The following CADM2 variants were observed in gnomAD, a reference collection of about 807,000 sequenced individuals.
CADM2 encodes immunoglobulin superfamily member 4D.
A neutral mutation model predicts 49.8 loss-of-function variants in CADM2; 12 were observed. The observed-to-expected ratio is 0.24, with a 90% CI of 0.15 to 0.39. The LOEUF (loss-of-function observed/expected upper bound fraction) is 0.39, where lower values mean the gene tolerates loss of function less well. Ranked by LOEUF, CADM2 falls within the 10% of genes least tolerant of loss-of-function variation. The pLI is 1.00. For synonymous variants in CADM2, 214 were observed against 175.4 expected (o/e 1.22, Z -1.74); for missense variants, 378 against 492.3 (o/e 0.77, Z 2.20).
rs3085115 is a variant in CADM2, at chr3:85,191,945, T to TTGTGTGTGTGTG, written c.61+232291_61+232302dup. Among the ~76,000 whole-genome samples the TTGTGTGTGTGTG allele has an allele frequency of 4.4e-3, 663 of 149,084 alleles. 3 individuals carry two copies. The highest frequency in any genetic ancestry group is 0.013 in the African/African-American group (508 of 40,638). ...AATAGAGAGTAATAAGATGAAACAGTTGTGTGTGTGTGTGTGTGTGTGTGT... is the reference window on the plus strand; with the variant it reads ...AATAGAGAGTAATAAGATGAAACAGTTGTGTGTGTGTGTGTGTGTGTGTGTGTGTGTGTGTGT... On this transcript the variant is annotated intron_variant, in intron 1 of 9. Transcript: ENST00000383699.
chr3:85,903,065 T>G (rs574536167), intron 5 of CADM2, among the ~76,000 whole-genome samples: 6 of 152,248 alleles, frequency 3.9e-5, no homozygotes, highest in African/African-American at 1.4e-4. Context: ...CCTAGAATCA[T>G]TTCCTTATTC....
intron 1 of CADM2, among the ~76,000 whole-genome samples, chr3:85,593,574 T>C (rs1316461652): frequency 6.6e-6 from 1 of 151,964 alleles, no homozygotes; most frequent in Non-Finnish European, 1.5e-5. Context: ...CAAATAGAAA[T>C]GTGTAAGAGG....
rs531925780 is a variant in CADM2 at position 85,399,875 on chromosome 3, C to T, written c.62-326647C>T. On this transcript the variant is annotated intron_variant, in intron 1 of 9. Transcript: ENST00000383699. ...AGCTTAAGGAGATTTTGGGCTGAGA[C>T]GATGGGGTTTTCTAAATATACAATC... 2.9e-4 allele frequency among the ~76,000 whole-genome samples: 44 copies of T among 152,254 alleles called. No individual in the cohort carries two copies. In the East Asian group the frequency reaches 4.4e-3, roughly 15 times the overall value.
chr3:85,090,547 T>C (rs966559385), intron 1 of CADM2, among the ~76,000 whole-genome samples: 3 of 152,174 alleles, frequency 2.0e-5, no homozygotes, highest in African/African-American at 7.2e-5. Context: ...TCTATTTGTC[T>C]AACATCTGCC....
At chr3:85,866,560 G>A (rs2075728461) in intron 3 of CADM2, among the ~76,000 whole-genome samples, 1 of 151,936 alleles carries the variant, frequency 6.6e-6, no homozygotes, top group South Asian at 2.1e-4. Context: ...TGTACGTTTA[G>A]TCTCCTTCAA....
At chr3:85,178,076 T>C (rs943624034) in intron 1 of CADM2, among the ~76,000 whole-genome samples, 3 of 151,934 alleles carry the variant, frequency 2.0e-5, no homozygotes, top group African/African-American at 7.2e-5. Context: ...TTCAATCCTA[T>C]ATGTAGCTTG....
intron 3 of CADM2, among the ~76,000 whole-genome samples, chr3:85,845,985 G>C (rs2074861671): frequency 6.6e-6 from 1 of 152,066 alleles, no homozygotes. Context: ...ACTGGGGTTG[G>C]TGGTGGGTCT....
chr3:85,361,389 G>A (rs571050297), intron 1 of CADM2, among the ~76,000 whole-genome samples: 22 of 152,198 alleles, frequency 1.4e-4, no homozygotes, highest in Non-Finnish European at 2.8e-4. Context: ...TTTGCATTGG[G>A]CTTTGGAAAA....
intron 8 of CADM2, among the ~76,000 whole-genome samples, chr3:86,017,701 T>G (rs903665568): frequency 1.9e-4 from 29 of 150,414 alleles, no homozygotes; most frequent in African/African-American, 6.6e-4. Context: ...GCACTCCAGC[T>G]TGGGCGACAC....
At chr3:85,654,840 C>G (rs572027431) in intron 1 of CADM2, among the ~76,000 whole-genome samples, 2 of 152,080 alleles carry the variant, frequency 1.3e-5, no homozygotes, top group Non-Finnish European at 2.9e-5. Context: ...CTTGTATTCT[C>G]TACATCATTG....
chr3:85,254,428 CT>C (rs753637025), intron 1 of CADM2, among the ~76,000 whole-genome samples: 3 of 151,992 alleles, frequency 2.0e-5, no homozygotes, highest in Non-Finnish European at 4.4e-5. Flanking sequence ...CCTGCAGCCC[CT>C]TTCTACTCCA....
chr3:86,004,036 T>C (rs1223005746), intron 8 of CADM2, among the ~76,000 whole-genome samples: 2 of 152,166 alleles, frequency 1.3e-5, no homozygotes, highest in Non-Finnish European at 2.9e-5. Flanking sequence ...ATGGATCCTT[T>C]GCTCTATTAA....
chr3:85,327,851 C>T (rs777276189), intron 1 of CADM2, among the ~76,000 whole-genome samples: 3 of 152,016 alleles, frequency 2.0e-5, no homozygotes, highest in Non-Finnish European at 2.9e-5. Flanking sequence ...TATTTCAAAA[C>T]GTAACAATTT....
chr3:85,920,410 G>T (rs890801052), intron 6 of CADM2, among the ~76,000 whole-genome samples: 16 of 151,758 alleles, frequency 1.1e-4, no homozygotes, highest in South Asian at 2.1e-4. Flanking sequence ...TGCCTTAGAA[G>T]AATTTTAATT....
chr3:85,658,596 A>ATATATG (rs1553656716), intron 1 of CADM2, among the ~76,000 whole-genome samples: 12 of 138,822 alleles, frequency 8.6e-5, no homozygotes, highest in Non-Finnish European at 1.6e-4. Context: ...ATATATATAT[A>ATATATG]TATATATATA....
At chr3:85,049,400 G>A (rs1176945989) in intron 1 of CADM2, among the ~76,000 whole-genome samples, 1 of 151,102 alleles carries the variant, frequency 6.6e-6, no homozygotes, top group African/African-American at 2.4e-5. Flanking sequence ...ATCCAGGCTG[G>A]AGTGCAATGA....
At chr3:85,224,651 G>A (rs1272706628) in intron 1 of CADM2, among the ~76,000 whole-genome samples, 4 of 152,108 alleles carry the variant, frequency 2.6e-5, no homozygotes, top group Non-Finnish European at 5.9e-5. Flanking sequence ...ATTGCTTTTG[G>A]TGTTTTAGTC....
intron 1 of CADM2, among the ~76,000 whole-genome samples, chr3:85,551,201 C>T (rs1199831619): frequency 6.6e-6 from 1 of 152,080 alleles, no homozygotes; most frequent in African/African-American, 2.4e-5. Flanking sequence ...AGGCTGGTCT[C>T]CAGCACTTGG....
At chr3:85,332,999 C>A (rs2044976037) in intron 1 of CADM2, among the ~76,000 whole-genome samples, 1 of 151,790 alleles carries the variant, frequency 6.6e-6, no homozygotes, top group African/African-American at 2.4e-5. Context: ...GCTTCGTGTA[C>A]AATAAGTTAT....
Sources: allele counts gnomAD v4.1 joint callset (sites outside exome capture counted in the v4.1 genomes callset), GRCh38; gene constraint gnomAD v4.1.1; transcripts MANE v1.5; gene names NCBI Gene and HGNC (gene_info 2026-07-23, HGNC 2026-07-21).